The following CD5 variants were observed in gnomAD, a reference collection of about 807,000 sequenced individuals.
CD5 encodes CD5 molecule.
A neutral mutation model predicts 60.3 loss-of-function variants in CD5; 36 were observed. The ratio of observed to expected loss-of-function variants is 0.60; its 90% confidence interval spans 0.46 to 0.79. The LOEUF (loss-of-function observed/expected upper bound fraction) is 0.79, where lower values mean the gene tolerates loss of function less well. Among genes scored for constraint, CD5 ranks in the 30% least tolerant of loss-of-function variants. CD5 has a pLI of 0.00. For synonymous variants in CD5, 230 were observed against 257.6 expected (o/e 0.89, Z 1.03); for missense variants, 540 against 630.6 (o/e 0.86, Z 1.54).
chr11:61,106,393 G>A (rs369494022), intron 1 of CD5, among the ~76,000 whole-genome samples: 2 of 152,266 alleles, frequency 1.3e-5, no homozygotes, highest in South Asian at 2.1e-4. Flanking sequence ...AAGGCAAGGG[G>A]GAAGGACAGG....
chr11:61,112,370 G>A (rs759255762), intron 1 of CD5, among the ~76,000 whole-genome samples: 35 of 152,310 alleles, frequency 2.3e-4, no homozygotes, highest in Non-Finnish European at 3.8e-4. Flanking sequence ...TTGGCTGGGC[G>A]CGGTGGCTCA....
Position 61,116,543 on chromosome 11 carries a change from A to ACACACACACAC in CD5, c.94+1458_94+1459insACCACACACAC, listed in dbSNP as rs1860953504. Reference sequence around the variant, plus strand: ...CCACCACACACACACCCCACACCACACACACACACCACACACACCACACAC... The same window carrying ACACACACACAC: ...CCACCACACACACACCCCACACCACACACACACACACCACACACACCACACACACCACACAC... On this transcript the variant is annotated intron_variant, in intron 2 of 10. Transcript: ENST00000347785. 1.8e-4 allele frequency among the ~76,000 whole-genome samples: 16 copies of ACACACACACAC among 88,064 alleles called. No individual in the cohort carries two copies. In the South Asian group the frequency reaches 6.0e-3, roughly 33 times the overall value. 57.8% of individuals were successfully genotyped at this position (88,064 alleles called of 152,430 possible). A position where few individuals can be genotyped will look rare whatever the true frequency, so the allele number is the denominator to read the frequency against.
chr11:61,100,193 TCA>T (rs1250573973), upstream of CD5, among the ~76,000 whole-genome samples: 5 of 103,646 alleles, frequency 4.8e-5, no homozygotes, highest in South Asian at 6.2e-4. Flanking sequence ...AACATGGAGA[TCA>T]CACACACATC....
rs11603126 is a variant in CD5 at position 61,120,380 on chromosome 11, C to G, written c.805+805C>G. Among the ~76,000 whole-genome samples the G allele has an allele frequency of 7.1e-3, 1,081 of 152,232 alleles. 4 individuals carry two copies. Among genetic ancestry groups the G allele is most frequent in the Non-Finnish European group, 0.012 (816 of 68,004 alleles). On this transcript the variant is annotated intron_variant, in intron 5 of 10. Transcript: ENST00000347785. ...CATGCAGGGACCATTCCTGGACATTCTAAATTTTTCACATGGCCTTAGGAG... is the reference window on the plus strand; with the variant it reads ...CATGCAGGGACCATTCCTGGACATTGTAAATTTTTCACATGGCCTTAGGAG...
At chr11:61,094,088 G>A in the CD5 span, among the ~76,000 whole-genome samples, 19 of 152,106 alleles carry the variant, frequency 1.2e-4, no homozygotes, top group African/African-American at 4.1e-4. Context: ...AGTGATTAAC[G>A]GACAGTTGAG....
intron 2 of CD5, among the ~76,000 whole-genome samples, chr11:61,116,642 C>T (rs1860960662): frequency 1.4e-5 from 2 of 146,614 alleles, no homozygotes; most frequent in African/African-American, 5.1e-5. Flanking sequence ...ACACACCACA[C>T]ACACCCCACA....
chr11:61,095,047 G>A, the CD5 span, among the ~76,000 whole-genome samples: 3 of 152,112 alleles, frequency 2.0e-5, no homozygotes, highest in Non-Finnish European at 4.4e-5. Context: ...GTTAAGGAAG[G>A]TTCTCGATCC....
At chr11:61,108,484 T>G (rs1033304209) in intron 1 of CD5, among the ~76,000 whole-genome samples, 15 of 152,344 alleles carry the variant, frequency 9.8e-5, no homozygotes, top group African/African-American at 3.4e-4. Flanking sequence ...TCATTTCATC[T>G]GTGCTCAACC....
chr11:61,107,557 T>G (rs3862667), intron 1 of CD5, among the ~76,000 whole-genome samples: 42,829 of 152,118 alleles, frequency 0.28, 7,512 homozygotes, highest in African/African-American at 0.49. Flanking sequence ...ATTTCTGCAG[T>G]GAAACATGAA....
At chr11:61,102,917 C>T (rs775342726) in intron 1 of CD5, among the ~76,000 whole-genome samples, 2 of 152,228 alleles carry the variant, frequency 1.3e-5, no homozygotes, top group Non-Finnish European at 2.9e-5. Flanking sequence ...GGGGCCCAGA[C>T]AACTTGATTC....
At chr11:61,110,537 C>T (rs2134597591) in intron 1 of CD5, among the ~76,000 whole-genome samples, 1 of 152,306 alleles carries the variant, frequency 6.6e-6, no homozygotes, top group Middle Eastern at 3.4e-3. Context: ...AAGTTCATTC[C>T]CTTTGATCAG....
chr11:61,115,242 C>A, intron 2 of CD5, 148 bp downstream of exon 2: 1 of 664,006 alleles, frequency 1.5e-6, no homozygotes. Flanking sequence ...AGCATACACA[C>A]AGGCACATAG....
the CD5 span, among the ~76,000 whole-genome samples, chr11:61,094,928 G>A: frequency 6.6e-6 from 1 of 152,132 alleles, no homozygotes; most frequent in Admixed American, 6.5e-5. Flanking sequence ...GTAAGCCAGG[G>A]CACCCAGATC....
chr11:61,104,228 G>C (rs190523887), intron 1 of CD5, among the ~76,000 whole-genome samples: 1 of 152,158 alleles, frequency 6.6e-6, no homozygotes, highest in Non-Finnish European at 1.5e-5. Flanking sequence ...GGCCTCCAAA[G>C]GCAGGATTAT....
chr11:61,111,862 T>C (rs1860859875), intron 1 of CD5, among the ~76,000 whole-genome samples: 1 of 152,236 alleles, frequency 6.6e-6, no homozygotes, highest in Non-Finnish European at 1.5e-5. Flanking sequence ...CAGGAAGCAC[T>C]GGGCTAAGCC....
chr11:61,119,238 T>A lies in CD5; in HGVS notation c.468T>A (p.Pro156=). The change falls in exon 5 of 11, where the codon CCT becomes CCA. Residue 156 remains proline (P), a synonymous_variant. Transcript: ENST00000347785. ...PPTTTPEPTA[P]PRLQLVAQSG... ...TCCTGCTCTCTCCTCTCCTAGCTCC[T>A]CCCAGGCTGCAGCTGGTGGCACAGT... 6.3e-7 allele frequency: 1 copy of A among 1,595,906 alleles called. No individual in the cohort carries two copies. Among genetic ancestry groups the A allele is most frequent in the Non-Finnish European group, 8.5e-7 (1 of 1,170,292 alleles).
upstream of CD5, among the ~76,000 whole-genome samples, chr11:61,100,148 A>G (rs1860644341): frequency 7.2e-6 from 1 of 139,032 alleles, no homozygotes; most frequent in African/African-American, 2.7e-5. Context: ...CATGGAGATC[A>G]CACACACACA....
Position 61,102,593 on chromosome 11 carries a change from C to T in CD5, c.33C>T (p.Thr11=), listed in dbSNP as rs1365705638. The change falls in exon 1 of 11, where the codon ACC becomes ACT. Residue 11 remains threonine, a synonymous_variant. Coordinates refer to ENST00000347785, the MANE Select transcript of CD5 (RefSeq NM_014207.4). MPMGSLQPLA[T]LYLLGMLVAS... Reference sequence around the variant, plus strand: ...TGGGGTCTCTGCAACCGCTGGCCACCTTGTACCTGCTGGGGATGCTGGGTG... The same window carrying T: ...TGGGGTCTCTGCAACCGCTGGCCACTTTGTACCTGCTGGGGATGCTGGGTG... The T allele has an allele frequency of 1.3e-6, 2 of 1,592,878 alleles. No individual in the cohort carries two copies. The highest frequency in any genetic ancestry group is 2.7e-5 in the African/African-American group (2 of 74,714).
rs758367421 is a variant in CD5 at position 61,118,974 on chromosome 11, A to G, written c.460A>G (p.Thr154Ala). 5.0e-6 allele frequency: 8 copies of G among 1,613,228 alleles called. No individual in the cohort carries two copies. The highest frequency in any genetic ancestry group is 6.8e-6 in the Non-Finnish European group (8 of 1,179,386). Residue 154 changes from threonine to alanine, a missense_variant, in exon 4 of 11, where the codon ACA becomes GCA. Transcript: ENST00000347785. The surrounding 1 kb of genome is among the most constrained non-coding windows in gnomAD (Gnocchi z 4.7). Reference sequence around the variant, plus strand: ...CCCGCCCACCACAACTCCAGAGCCCACAGGTAAGAGGATTCTGAACCCCCC... The same window carrying G: ...CCCGCCCACCACAACTCCAGAGCCCGCAGGTAAGAGGATTCTGAACCCCCC... ...RPPPTTTPEP[T>A]APPRLQLVAQ...
Sources: gnomAD v4.1 joint callset for allele counts (sites outside exome capture counted in the v4.1 genomes callset) on GRCh38, gnomAD v4.1.1 for gene constraint, Gnocchi (gnomAD v3.1) non-coding constraint, MANE v1.5 for transcripts, NCBI Gene and HGNC (gene_info 2026-07-23, HGNC 2026-07-21) for gene names.